ITGBL1: variants seen among roughly 807,000 people sequenced by gnomAD.
The protein encoded by ITGBL1 is integrin subunit beta like 1.
Under a neutral mutation model 68.5 loss-of-function variants are expected in ITGBL1, and 51 were observed. That is an observed-to-expected ratio of 0.74 (90% CI 0.59 to 0.94). The LOEUF is 0.94. ITGBL1 is among the 40% of genes least tolerant of loss of function. The probability of loss-of-function intolerance (pLI) is 0.00; values close to 1 mark genes in which losing one functional copy is unlikely to be tolerated. For synonymous variants in ITGBL1, 209 were observed against 227.3 expected (o/e 0.92, Z 0.72); for missense variants, 649 against 647.4 (o/e 1.00, Z -0.03).
At chr13:101,720,383 C>CACA (rs1488010358), downstream of ITGBL1, 11 of 152,084 alleles carry the variant, frequency 7.2e-5, no homozygotes, top group Non-Finnish European at 1.2e-4. Context: ...ATATATAAAA[C>CACA]ACAACAGAGA....
chr13:101,710,424 C>T (rs1593998119), intron 9 of ITGBL1, among the ~76,000 whole-genome samples: 1 of 152,272 alleles, frequency 6.6e-6, no homozygotes, highest in East Asian at 1.9e-4. Flanking sequence ...GCCACAGTTA[C>T]TCCTGGTTCC....
chr13:101,518,953 A>G (rs1249489849), intron 2 of ITGBL1, among the ~76,000 whole-genome samples: 1 of 152,190 alleles, frequency 6.6e-6, no homozygotes, highest in Admixed American at 6.5e-5. Context: ...TTTAGCTATT[A>G]TACTTAGACA....
Position 101,452,884 on chromosome 13 carries a change from C to G in ITGBL1, c.51C>G (p.Leu17=), listed in dbSNP as rs1420958440. 6.2e-7 allele frequency: 1 copy of G among 1,614,220 alleles called. No individual in the cohort carries two copies. Among genetic ancestry groups the G allele is most frequent in the Non-Finnish European group, 8.5e-7 (1 of 1,180,046 alleles). ...RNFLLLASSL[L]FAGLSAVPQS... Reference sequence around the variant, plus strand: ...TCTTGCTGCTGGCGTCCTCCCTTCTCTTTGCTGGGTTGTCAGCTGTTCCTC... The same window carrying G: ...TCTTGCTGCTGGCGTCCTCCCTTCTGTTTGCTGGGTTGTCAGCTGTTCCTC... Residue 17 remains leucine, a synonymous_variant, in exon 1 of 11, where the codon CTC becomes CTG. Coordinates refer to ENST00000376180, the MANE Select transcript of ITGBL1 (RefSeq NM_004791.3).
chr13:101,558,255 G>A (rs1195858376), intron 2 of ITGBL1, among the ~76,000 whole-genome samples: 4 of 152,076 alleles, frequency 2.6e-5, no homozygotes, highest in Admixed American at 2.6e-4. Context: ...AAGAGAATGA[G>A]CTAAACAATG....
chr13:101,583,501 G>T (rs1412124339), intron 6 of ITGBL1, 145 bp downstream of exon 6: 6 of 572,396 alleles, frequency 1.0e-5, no homozygotes, highest in Non-Finnish European at 1.4e-5. Flanking sequence ...TAACTTAATT[G>T]TACATTTTTA....
rs574513960 is a variant in ITGBL1 at position 101,640,423 on chromosome 13, C to G, written c.1015+42124C>G. On this transcript the variant is annotated intron_variant, in intron 7 of 10. Coordinates refer to ENST00000376180, the MANE Select transcript of ITGBL1 (RefSeq NM_004791.3). ...CCCAGACCACTCAATTTAGATTACA[C>G]CAGGCACTCTCTTGATTTATCCCAT... 6.6e-5 allele frequency among the ~76,000 whole-genome samples: 10 copies of G among 152,220 alleles called. 1 individual carries two copies. The South Asian group carries it at 1.9e-3, about 28-fold the overall frequency.
At chr13:101,642,845 C>G (rs1204981833) in intron 7 of ITGBL1, among the ~76,000 whole-genome samples, 4 of 151,992 alleles carry the variant, frequency 2.6e-5, no homozygotes, top group African/African-American at 4.8e-5. Context: ...GCTTATTTTT[C>G]TCAGGTTTGT....
At chr13:101,528,321 T>G (rs909132474) in intron 2 of ITGBL1, among the ~76,000 whole-genome samples, 1 of 151,738 alleles carries the variant, frequency 6.6e-6, no homozygotes, top group Non-Finnish European at 1.5e-5. Flanking sequence ...CTAGTTGTGC[T>G]CACTCTAATT....
chr13:101,530,293 G>A (rs2049451422), intron 2 of ITGBL1, among the ~76,000 whole-genome samples: 1 of 151,878 alleles, frequency 6.6e-6, no homozygotes, highest in Non-Finnish European at 1.5e-5. Context: ...GAGTAGTGAT[G>A]GACAATCAAA....
At chr13:101,471,977 A>C (rs2048467548) in intron 2 of ITGBL1, among the ~76,000 whole-genome samples, 1 of 150,210 alleles carries the variant, frequency 6.7e-6, no homozygotes, top group South Asian at 2.1e-4. Context: ...TTTGGAAATA[A>C]ATACATTTTA....
chr13:101,461,441 C>G (rs2048316623), intron 2 of ITGBL1, among the ~76,000 whole-genome samples: 1 of 152,074 alleles, frequency 6.6e-6, no homozygotes, highest in South Asian at 2.1e-4. Flanking sequence ...CGCCTGTAAT[C>G]CTAGCACTTT....
intron 3 of ITGBL1, among the ~76,000 whole-genome samples, 182 bp from the exon 4 acceptor site, chr13:101,575,242 A>G (rs1267242867): frequency 6.6e-6 from 1 of 152,200 alleles, no homozygotes. Flanking sequence ...TATAATTGCC[A>G]TGCTAAAATA....
intron 5 of ITGBL1, 134 bp downstream of exon 5, chr13:101,579,561 C>A: frequency 1.1e-6 from 1 of 872,590 alleles, no homozygotes; most frequent in Non-Finnish European, 1.7e-6. Flanking sequence ...TGTAAATCAA[C>A]ATTTACTATC....
chr13:101,639,936 T>G (rs2032307570), intron 7 of ITGBL1, among the ~76,000 whole-genome samples: 2 of 152,172 alleles, frequency 1.3e-5, no homozygotes, highest in South Asian at 4.1e-4. Context: ...ATAATGACCA[T>G]GAAAGTTAAA....
intron 7 of ITGBL1, among the ~76,000 whole-genome samples, chr13:101,645,123 G>T (rs1285788626): frequency 6.6e-6 from 1 of 152,108 alleles, no homozygotes; most frequent in East Asian, 1.9e-4. Context: ...GCAGGTTAGG[G>T]CTGGTGTGAC....
intron 2 of ITGBL1, among the ~76,000 whole-genome samples, chr13:101,459,882 T>C (rs1190394199): frequency 6.6e-6 from 1 of 152,240 alleles, no homozygotes; most frequent in East Asian, 1.9e-4. Context: ...TAGTAATTTT[T>C]TTTCTTGAAG....
intron 2 of ITGBL1, among the ~76,000 whole-genome samples, chr13:101,462,737 C>T (rs889642528): frequency 5.3e-5 from 8 of 152,126 alleles, no homozygotes; most frequent in Admixed American, 5.2e-4. Context: ...CATGCGCCCC[C>T]ACACCTGGCT....
chr13:101,525,702 T>G (rs1214008533), intron 2 of ITGBL1, among the ~76,000 whole-genome samples: 3 of 152,118 alleles, frequency 2.0e-5, no homozygotes, highest in Admixed American at 6.5e-5. Context: ...ATTTCTATTT[T>G]AATTTGTATT....
chr13:101,654,468 C>T (rs1026629299), intron 7 of ITGBL1, among the ~76,000 whole-genome samples: 1 of 152,062 alleles, frequency 6.6e-6, no homozygotes, highest in Non-Finnish European at 1.5e-5. Context: ...TCATAATTTC[C>T]ATTTGACATC....
Sources: gnomAD v4.1 joint callset for allele counts (sites outside exome capture counted in the v4.1 genomes callset) on GRCh38, gnomAD v4.1.1 for gene constraint, MANE v1.5 for transcripts, NCBI Gene and HGNC (gene_info 2026-07-23, HGNC 2026-07-21) for gene names.